The following MAP2K1 variants were observed in gnomAD, a reference collection of about 807,000 sequenced individuals.
The protein encoded by MAP2K1 is dual specificity mitogen-activated protein kinase kinase 1.
A neutral mutation model predicts 46.3 loss-of-function variants in MAP2K1; 16 were observed. The ratio of observed to expected loss-of-function variants is 0.35; its 90% confidence interval spans 0.23 to 0.52. The LOEUF (loss-of-function observed/expected upper bound fraction) is 0.52. MAP2K1 is among the 20% of genes least tolerant of loss of function. The pLI is 0.94. For missense variants in MAP2K1, 263 were observed against 497.1 expected (o/e 0.53, Z 4.48); for synonymous variants, 183 against 185.6 (o/e 0.99, Z 0.11).
At chr15:66,452,384 A>G (rs1044959321) in intron 5 of MAP2K1, among the ~76,000 whole-genome samples, 1 of 151,872 alleles carries the variant, frequency 6.6e-6, no homozygotes, top group African/African-American at 2.4e-5. Context: ...TACTGACAAG[A>G]AAGTATCAAT....
chr15:66,432,243 C>G (rs1370706528), intron 1 of MAP2K1, among the ~76,000 whole-genome samples: 1 of 152,132 alleles, frequency 6.6e-6, no homozygotes, highest in Non-Finnish European at 1.5e-5. Context: ...CCACCCCAGC[C>G]TATAGTCTTT....
At chr15:66,399,555 A>T (rs891484993) in intron 1 of MAP2K1, among the ~76,000 whole-genome samples, 1 of 151,394 alleles carries the variant, frequency 6.6e-6, no homozygotes, top group African/African-American at 2.4e-5. Flanking sequence ...GGCTCAAGTG[A>T]TCCCTCCCCA....
intron 5 of MAP2K1, among the ~76,000 whole-genome samples, 173 bp from the exon 6 acceptor site, chr15:66,481,582 A>G (rs1165678683): frequency 6.6e-5 from 10 of 152,188 alleles, no homozygotes; most frequent in Non-Finnish European, 1.5e-4. Flanking sequence ...TCTTGAACTC[A>G]GAACAAAGGG....
At chr15:66,403,282 T>C (rs1249763935) in intron 1 of MAP2K1, among the ~76,000 whole-genome samples, 5 of 152,186 alleles carry the variant, frequency 3.3e-5, no homozygotes, top group Non-Finnish European at 7.3e-5. Context: ...AAAAAAATTA[T>C]TTTCAAGTAA....
At chr15:66,449,646 C>T (rs547376494) in intron 5 of MAP2K1, among the ~76,000 whole-genome samples, 8 of 152,058 alleles carry the variant, frequency 5.3e-5, no homozygotes, top group African/African-American at 9.7e-5. Flanking sequence ...TTCAGGAGGC[C>T]GAGGTGGGTG....
intron 3 of MAP2K1, among the ~76,000 whole-genome samples, chr15:66,439,292 C>T (rs1331961213): frequency 6.6e-6 from 1 of 152,210 alleles, no homozygotes; most frequent in African/African-American, 2.4e-5. Flanking sequence ...ACAGTCTTTG[C>T]ATGAGTTTTG....
intron 1 of MAP2K1, among the ~76,000 whole-genome samples, chr15:66,421,682 C>G (rs1354950748): frequency 6.6e-6 from 1 of 151,494 alleles, no homozygotes; most frequent in Non-Finnish European, 1.5e-5. Flanking sequence ...GGCCTGTAAT[C>G]CCAGCTACTT....
chr15:66,404,296 G>A (rs2093390551), intron 1 of MAP2K1, among the ~76,000 whole-genome samples: 1 of 152,160 alleles, frequency 6.6e-6, no homozygotes, highest in Admixed American at 6.5e-5. Context: ...TGGTTGCAGT[G>A]AGCGGAGATC....
rs117396181 is a variant in MAP2K1, at chr15:66,433,809, G to A, written c.81-1218G>A. 4.4e-4 allele frequency among the ~76,000 whole-genome samples: 67 copies of A among 152,160 alleles called. No individual in the cohort carries two copies. The East Asian group carries it at 0.012, about 28-fold the overall frequency. ...TTGTCACTGACATGCTTCACCTCCCGGGACTTCAATTTGAAACCCAATGAA... is the reference window on the plus strand; with the variant it reads ...TTGTCACTGACATGCTTCACCTCCCAGGACTTCAATTTGAAACCCAATGAA... On this transcript the variant is annotated intron_variant, in intron 1 of 10. Transcript: ENST00000307102.
intron 1 of MAP2K1, among the ~76,000 whole-genome samples, chr15:66,402,632 A>G (rs1182757235): frequency 6.6e-6 from 1 of 152,148 alleles, no homozygotes; most frequent in Non-Finnish European, 1.5e-5. Flanking sequence ...TAATATTTCA[A>G]ATACGTAACA....
chr15:66,436,975 C>A (rs1427176337), intron 3 of MAP2K1, 83 bp downstream of exon 3: 4 of 1,392,254 alleles, frequency 2.9e-6, no homozygotes, highest in South Asian at 2.3e-5. Context: ...GGGAGGTGAC[C>A]AGCTACCTCC....
chr15:66,420,813 A>ATATGTG (rs2093438210), intron 1 of MAP2K1, among the ~76,000 whole-genome samples: 1 of 106,342 alleles, frequency 9.4e-6, no homozygotes, highest in African/African-American at 3.2e-5. Flanking sequence ...GTGTATATAT[A>ATATGTG]TGTGTATATA....
At chr15:66,399,038 G>C (rs886537535) in intron 1 of MAP2K1, among the ~76,000 whole-genome samples, 1 of 152,194 alleles carries the variant, frequency 6.6e-6, no homozygotes, top group Admixed American at 6.5e-5. Flanking sequence ...CTCCCAAAGT[G>C]CTGGGATTAC....
chr15:66,461,346 G>A (rs183022711), intron 5 of MAP2K1, among the ~76,000 whole-genome samples: 1 of 152,160 alleles, frequency 6.6e-6, no homozygotes, highest in African/African-American at 2.4e-5. Context: ...TTAGCCGGGT[G>A]TGGTGGTGGG....
rs571038642 is a variant in MAP2K1 at position 66,402,049 on chromosome 15, T to G, written c.80+14622T>G. 29 of 1,250,910 alleles carry G rather than the reference T, an allele frequency of 2.3e-5. No homozygotes were observed. The East Asian group carries it at 1.0e-3, about 45-fold the overall frequency. 77.5% of individuals were successfully genotyped at this position (1,250,910 alleles called of 1,614,324 possible). ...ATTTTAAAGTATTTCTGAGTAGTTT[T>G]TATATGCTTTGTATTTTGAAGTTTT... On this transcript the variant is annotated intron_variant, in intron 1 of 10. Transcript: ENST00000307102.
chr15:66,400,063 T>C (rs779148144), intron 1 of MAP2K1, among the ~76,000 whole-genome samples: 27 of 152,226 alleles, frequency 1.8e-4, no homozygotes, highest in Non-Finnish European at 3.2e-4. Context: ...AAACATACTT[T>C]TTTTGTGTAC....
intron 1 of MAP2K1, among the ~76,000 whole-genome samples, chr15:66,421,075 T>C (rs1286603698): frequency 8.0e-6 from 1 of 125,172 alleles, no homozygotes; most frequent in Non-Finnish European, 1.6e-5. Context: ...CACACACATA[T>C]ATACACATAC....
intron 5 of MAP2K1, among the ~76,000 whole-genome samples, chr15:66,465,618 G>A (rs1200427216): frequency 6.6e-6 from 1 of 152,034 alleles, no homozygotes. Flanking sequence ...TTGGGCATAA[G>A]ACAATATGAG....
intron 5 of MAP2K1, chr15:66,453,654 T>C (rs1472462561): frequency 1.5e-5 from 9 of 617,126 alleles, no homozygotes; most frequent in Non-Finnish European, 2.6e-5. Flanking sequence ...GTTCTAAATA[T>C]ATTCTTCACT....
Sources: gnomAD v4.1 joint callset for allele counts (sites outside exome capture counted in the v4.1 genomes callset) on GRCh38, gnomAD v4.1.1 for gene constraint, MANE v1.5 for transcripts, NCBI Gene and HGNC (gene_info 2026-07-23, HGNC 2026-07-21) for gene names.